The following FAM227B variants were observed in gnomAD, a reference collection of about 807,000 sequenced individuals.
FAM227B encodes the protein protein FAM227B.
FAM227B carries 88 observed loss-of-function variants against 73.8 expected under a neutral mutation model. The ratio of observed to expected loss-of-function variants is 1.19; its 90% CI spans 1.00 to 1.42. The LOEUF is 1.42. Among genes scored for constraint, FAM227B ranks in the 40% most tolerant of loss-of-function variants. FAM227B has a pLI of 0.00. For missense variants in FAM227B, 632 were observed against 590.9 expected, an observed-to-expected ratio of 1.07 and a Z score of -0.72; for synonymous variants, 210 against 190.5, an observed-to-expected ratio of 1.10 and a Z score of -0.84.
chr15:49,479,601 T>TG, intron 11 of FAM227B, among the ~76,000 whole-genome samples: 2 of 26,310 alleles, frequency 7.6e-5, no homozygotes, highest in Non-Finnish European at 1.0e-4. Context: ...ATACCTCTGT[T>TG]TTTTTTTTTT....
At chr15:49,447,996 A>G (rs940517977) in intron 11 of FAM227B, among the ~76,000 whole-genome samples, 4 of 151,716 alleles carry the variant, frequency 2.6e-5, no homozygotes, top group African/African-American at 4.8e-5. Flanking sequence ...GCTGCTCCAG[A>G]TATCTTTTGA....
intron 11 of FAM227B, among the ~76,000 whole-genome samples, chr15:49,395,460 C>T (rs956604843): frequency 6.6e-6 from 1 of 152,194 alleles, no homozygotes. Context: ...TGAGCTGTCA[C>T]TCTCAGTTAT....
chr15:49,523,152 G>A (rs1403166578), intron 10 of FAM227B, among the ~76,000 whole-genome samples: 1 of 152,176 alleles, frequency 6.6e-6, no homozygotes, highest in East Asian at 1.9e-4. Context: ...CTTGAAGCTA[G>A]AAGAGATGCT....
At chr15:49,476,786 G>T (rs1232983168) in intron 11 of FAM227B, among the ~76,000 whole-genome samples, 2 of 152,150 alleles carry the variant, frequency 1.3e-5, no homozygotes, top group African/African-American at 2.4e-5. Flanking sequence ...TAGGCCAGGC[G>T]TGGTGGCTCA....
intron 9 of FAM227B, among the ~76,000 whole-genome samples, chr15:49,545,146 C>T (rs1454069688): frequency 6.6e-6 from 1 of 151,604 alleles, no homozygotes; most frequent in Admixed American, 6.6e-5. Flanking sequence ...TTTTTTTTGG[C>T]AATTTTTTTA....
In FAM227B at chr15:49,367,488, T is replaced by C. The variant is rs2045400636; in HGVS notation, c.1231A>G (p.Lys411Glu). ...TTAGTGAGTTTAATCTTGGTTTTCT[T>C]AGGTGCTTTGGAAATACCAGCCAGC... is the stretch of plus-strand genomic sequence containing the variant. ...HELAGISKAP[K>E]KTKIKLTKIF... The change falls in exon 13 of 16, where the codon AAG becomes GAG. Residue 411 changes from lysine to glutamate, a missense_variant. By Grantham distance (56) the Lys-to-Glu change is moderately conservative. Transcript: ENST00000299338. The C allele has an allele frequency of 6.2e-7, 1 of 1,602,444 alleles. No individual in the cohort carries two copies. The highest frequency in any genetic ancestry group is 8.5e-7 in the Non-Finnish European group (1 of 1,177,430).
chr15:49,615,542 C>G (rs1049054277), intron 1 of FAM227B, among the ~76,000 whole-genome samples: 6 of 152,150 alleles, frequency 3.9e-5, no homozygotes, highest in African/African-American at 1.4e-4. Flanking sequence ...CCCCCTTCAC[C>G]CTTTTCCTCC....
At chr15:49,446,862 G>A (rs2052267286) in intron 11 of FAM227B, among the ~76,000 whole-genome samples, 1 of 151,564 alleles carries the variant, frequency 6.6e-6, no homozygotes, top group African/African-American at 2.4e-5. Context: ...CAAGCAGGGG[G>A]AGAAGTGAGG....
In FAM227B at chr15:49,479,597, C is replaced by CT. The variant is rs1567359064; in HGVS notation, c.1012+28613dup. On this transcript the variant is annotated intron_variant, in intron 11 of 15. Transcript: ENST00000299338. ...GGGTAGGATTTCATAGTTAATACCT[C>CT]TGTTTTTTTTTTTTTTTTTTTTTTT... 4.9e-4 allele frequency among the ~76,000 whole-genome samples: 50 copies of CT among 102,064 alleles called. 2 individuals are homozygous for CT. The highest frequency in any genetic ancestry group is 2.7e-3 in the East Asian group (8 of 2,938). The allele number at this position is 102,064 out of a possible 152,430, so 67.0% of individuals were successfully genotyped here.
At position 49,552,382 on chromosome 15, in the gene FAM227B, CTTTCT is replaced by C. The variant is rs960072426; in HGVS notation, c.748-10581_748-10577del. Among the ~76,000 whole-genome samples the C allele has an allele frequency of 2.3e-5, 3 of 133,148 alleles. No individual in the cohort carries two copies. The East Asian group carries it at 7.0e-4, about 31-fold the overall frequency. The allele number at this position is 133,148 out of a possible 152,430, so 87.4% of individuals were successfully genotyped here. A position where few individuals can be genotyped will look rare whatever the true frequency, so the allele number is the denominator to read the frequency against. On this transcript the variant is annotated intron_variant, in intron 9 of 15. Transcript: ENST00000299338. Reference sequence around the variant, plus strand: ...ACTGGAGCATTATTGTATGTTGTTTCTTTCTTTTATCTTGCTGCTCTCAGGTCCTT... The same window carrying C: ...ACTGGAGCATTATTGTATGTTGTTTCTTTATCTTGCTGCTCTCAGGTCCTT...
At chr15:49,477,143 C>A (rs2055415053) in intron 11 of FAM227B, among the ~76,000 whole-genome samples, 1 of 151,782 alleles carries the variant, frequency 6.6e-6, no homozygotes, top group Admixed American at 6.6e-5. Flanking sequence ...TTATAAATAT[C>A]TTGCACTAAT....
chr15:49,397,689 A>G (rs957329440), intron 11 of FAM227B, among the ~76,000 whole-genome samples: 1 of 152,214 alleles, frequency 6.6e-6, no homozygotes, highest in East Asian at 1.9e-4. Context: ...GTGGGGGCCA[A>G]TATTCAAAAT....
chr15:49,559,440 A>T (rs1409148359), intron 9 of FAM227B, among the ~76,000 whole-genome samples: 3 of 152,108 alleles, frequency 2.0e-5, no homozygotes, highest in Admixed American at 2.0e-4. Flanking sequence ...TCAGGTACCT[A>T]CCTACCTGCT....
chr15:49,358,782 C>G (rs2043641289), intron 13 of FAM227B, among the ~76,000 whole-genome samples: 1 of 152,136 alleles, frequency 6.6e-6, no homozygotes, highest in African/African-American at 2.4e-5. Flanking sequence ...ATCGCCAAGT[C>G]AAACTTAAGC....
intron 6 of FAM227B, 60 bp downstream of exon 6, chr15:49,577,566 CATT>C (rs1409608566): frequency 1.1e-5 from 11 of 1,007,652 alleles, no homozygotes; most frequent in Non-Finnish European, 1.5e-5. Flanking sequence ...TTGTTGTAAA[CATT>C]ATTTTAGTCC....
rs2077146385 is a variant in FAM227B, at chr15:49,600,767, G to T, written c.105+10448C>A. ...GAATAATTTACTACTGCCAGGCCGGGCGTGGTGGCTCACACTTATAATCCC... is the reference window on the plus strand; with the variant it reads ...GAATAATTTACTACTGCCAGGCCGGTCGTGGTGGCTCACACTTATAATCCC... On this transcript the variant is annotated intron_variant, in intron 3 of 15. Coordinates refer to ENST00000299338, the MANE Select transcript of FAM227B (RefSeq NM_152647.3). 2.0e-5 allele frequency among the ~76,000 whole-genome samples: 3 copies of T among 151,976 alleles called. No homozygotes were observed. In the South Asian group the frequency reaches 6.2e-4, roughly 32 times the overall value.
chr15:49,342,401 AT>A (rs1208092371), intron 13 of FAM227B, among the ~76,000 whole-genome samples: 1 of 152,046 alleles, frequency 6.6e-6, no homozygotes, highest in East Asian at 1.9e-4. Context: ...CAGTCCTTTA[AT>A]TTGAGCCTAG....
At chr15:49,390,896 C>G (rs918405678) in intron 11 of FAM227B, among the ~76,000 whole-genome samples, 1 of 151,936 alleles carries the variant, frequency 6.6e-6, no homozygotes, top group Non-Finnish European at 1.5e-5. Flanking sequence ...TTGAAACAGC[C>G]TAACAACCGA....
chr15:49,342,015 G>A (rs1320493193), intron 13 of FAM227B, among the ~76,000 whole-genome samples: 1 of 152,170 alleles, frequency 6.6e-6, no homozygotes, highest in Non-Finnish European at 1.5e-5. Flanking sequence ...TGTGGTTGAT[G>A]GGTGAAGTAT....
Sources: gnomAD v4.1 joint callset for allele counts (sites outside exome capture counted in the v4.1 genomes callset) on GRCh38, gnomAD v4.1.1 for gene constraint, MANE v1.5 for transcripts, NCBI Gene and HGNC (gene_info 2026-07-23, HGNC 2026-07-21) for gene names.